Variants in HLCS observed in about 807,000 individuals in gnomAD.
HLCS encodes biotin--protein ligase.
Under a neutral mutation model 75.0 loss-of-function variants are expected in HLCS, and 53 were observed. The ratio of observed to expected loss-of-function variants is 0.71; its 90% CI spans 0.57 to 0.89. HLCS has a LOEUF of 0.89. Among genes scored for constraint, HLCS ranks in the 40% least tolerant of loss-of-function variants. The pLI is 0.00. For synonymous variants in HLCS, 431 were observed against 428.6 expected (o/e 1.01, Z -0.07); for missense variants, 966 against 1,074.0 (o/e 0.90, Z 1.41).
chr21:36,895,884 T>A (rs997654206), intron 6 of HLCS, among the ~76,000 whole-genome samples: 10 of 152,322 alleles, frequency 6.6e-5, no homozygotes, highest in Admixed American at 5.2e-4. Flanking sequence ...TATAACCAAA[T>A]TTTTTAAACT....
intron 6 of HLCS, among the ~76,000 whole-genome samples, chr21:36,811,452 G>A (rs895608450): frequency 3.3e-5 from 5 of 152,214 alleles, no homozygotes; most frequent in African/African-American, 9.6e-5. Context: ...GCCTCCAGGA[G>A]GCTACTCTGT....
chr21:36,962,624 C>CA lies in HLCS; in HGVS notation c.196-455dup, dbSNP rs1388877335. On this transcript the variant is annotated intron_variant, in intron 1 of 10. Coordinates refer to ENST00000674895, the MANE Select transcript of HLCS (RefSeq NM_001352514.2). ...CCAACATGGTGAAACCTTATCTCTACAAAAAACATACCAAAAAAATGAGTT... is the reference window on the plus strand; with the variant it reads ...CCAACATGGTGAAACCTTATCTCTACAAAAAAACATACCAAAAAAATGAGTT... Among the ~76,000 whole-genome samples the CA allele has an allele frequency of 5.3e-5, 8 of 151,756 alleles. No homozygotes were observed. In the South Asian group the frequency reaches 1.0e-3, roughly 20 times the overall value.
chr21:36,775,060 C>T (rs932579128), intron 6 of HLCS, among the ~76,000 whole-genome samples: 2 of 152,226 alleles, frequency 1.3e-5, no homozygotes, highest in African/African-American at 4.8e-5. Context: ...GGAATCGGGA[C>T]TGTTCAAAGA....
intron 6 of HLCS, among the ~76,000 whole-genome samples, chr21:36,875,642 C>G (rs1014821145): frequency 6.6e-6 from 1 of 152,240 alleles, no homozygotes; most frequent in Admixed American, 6.5e-5. Flanking sequence ...GAGCTACCCA[C>G]TTCAAGTCTC....
At chr21:36,939,034 G>A (rs2067022192) in intron 2 of HLCS, 40 bp from the exon 3 acceptor site, 2 of 1,556,626 alleles carry the variant, frequency 1.3e-6, no homozygotes, top group Non-Finnish European at 1.7e-6. Flanking sequence ...GGAAAAGACA[G>A]GTTGAGATTT....
intron 5 of HLCS, among the ~76,000 whole-genome samples, chr21:36,916,446 G>A (rs1005935277): frequency 4.0e-5 from 6 of 151,812 alleles, no homozygotes; most frequent in African/African-American, 1.2e-4. Flanking sequence ...TCAACTCCCG[G>A]GCTCAAGAGA....
chr21:36,759,753 A>G lies in HLCS; in HGVS notation c.2210T>C (p.Met737Thr), dbSNP rs753316170. 3.7e-6 allele frequency: 6 copies of G among 1,607,540 alleles called. No homozygotes were observed. In the African/African-American group the frequency reaches 5.3e-5, roughly 14 times the overall value. Residue 737 changes from methionine to threonine, a missense_variant, in exon 9 of 11, where the codon ATG (methionine) becomes ACG (threonine). Met to Thr is a moderately conservative substitution (Grantham distance 81, BLOSUM62 -1). Transcript: ENST00000674895. ...AATAAGTATATAAAATGTTTCTCCC[A>G]TGAGTGTTGAGTTAACCAGAACTCC... ...IGGVLVNSTL[M>T]GETFYILIGC... is the part of the protein sequence containing the mutation.
chr21:36,844,081 C>T (rs1023310232), intron 6 of HLCS, among the ~76,000 whole-genome samples: 6 of 152,170 alleles, frequency 3.9e-5, no homozygotes, highest in African/African-American at 1.2e-4. Context: ...TCAAAGTAAA[C>T]ACATGCTCAT....
Position 36,979,272 on chromosome 21 carries a change from CA to C in HLCS, c.-393+10885del, listed in dbSNP as rs35662012. Among the ~76,000 whole-genome samples the C allele has an allele frequency of 7.4e-3, 812 of 109,254 alleles. 8 individuals carry two copies. Among genetic ancestry groups the C allele is most frequent in the African/African-American group, 0.017 (486 of 28,622 alleles). The allele number at this position is 109,254 out of a possible 152,430, so 71.7% of individuals were successfully genotyped here. ...TGGGTGACAGAGCAAGACTCAGTCT[CA>C]AAAAAAAAAAAAAAAGAAAGAAAGA... On this transcript the variant is annotated intron_variant, in intron 1 of 11. Transcript: ENST00000336648.
chr21:36,765,424 CAG>C (rs1407259576), intron 7 of HLCS, among the ~76,000 whole-genome samples: 1 of 152,214 alleles, frequency 6.6e-6, no homozygotes, highest in Non-Finnish European at 1.5e-5. Context: ...CTTGATGACT[CAG>C]AGTCTTACAG....
chr21:36,969,253 T>C (rs2068719709), upstream of HLCS, among the ~76,000 whole-genome samples: 1 of 152,170 alleles, frequency 6.6e-6, no homozygotes. Flanking sequence ...AACAAAGGAA[T>C]AGGGGAAGGA....
At chr21:36,831,887 C>T (rs894529408) in intron 6 of HLCS, among the ~76,000 whole-genome samples, 2 of 152,034 alleles carry the variant, frequency 1.3e-5, no homozygotes, top group Non-Finnish European at 1.5e-5. Context: ...TGAGCAATTT[C>T]GCTAGAAATG....
At chr21:36,958,240 CAAAA>C (rs146841900) in intron 2 of HLCS, among the ~76,000 whole-genome samples, 149 of 133,330 alleles carry the variant, frequency 1.1e-3, no homozygotes, top group East Asian at 2.7e-3. Flanking sequence ...GAGACTGTCT[CAAAA>C]AAAAAAAAAA....
chr21:36,762,136 G>T (rs2145755148), intron 8 of HLCS, among the ~76,000 whole-genome samples: 1 of 152,212 alleles, frequency 6.6e-6, no homozygotes, highest in East Asian at 1.9e-4. Flanking sequence ...AACAAATCCT[G>T]CTTTTGAAGA....
chr21:36,958,857 T>C (rs139709676), intron 2 of HLCS, among the ~76,000 whole-genome samples: 15 of 152,364 alleles, frequency 9.8e-5, no homozygotes, highest in Admixed American at 5.2e-4. Flanking sequence ...AGGAATGTCA[T>C]TTAATCTTAT....
intron 4 of HLCS, among the ~76,000 whole-genome samples, chr21:36,934,080 C>T (rs1190331948): frequency 1.3e-5 from 2 of 152,172 alleles, no homozygotes; most frequent in African/African-American, 2.4e-5. Context: ...AGAAATGGCA[C>T]ACCGGAGTGT....
At chr21:36,796,528 G>T (rs1394432737) in intron 6 of HLCS, among the ~76,000 whole-genome samples, 1 of 152,094 alleles carries the variant, frequency 6.6e-6, no homozygotes, top group Non-Finnish European at 1.5e-5. Flanking sequence ...TGTATAAGCA[G>T]GGCCCACGAG....
chr21:36,920,678 AT>A (rs1033844557), intron 5 of HLCS, among the ~76,000 whole-genome samples: 7 of 151,834 alleles, frequency 4.6e-5, no homozygotes, highest in African/African-American at 1.7e-4. Flanking sequence ...ATTAAAAAAA[AT>A]TTTTAAAGCC....
At chr21:36,806,480 C>A (rs575854250) in intron 6 of HLCS, among the ~76,000 whole-genome samples, 193 of 151,810 alleles carry the variant, frequency 1.3e-3, no homozygotes, top group African/African-American at 4.4e-3. Flanking sequence ...GAAAAAAAAA[C>A]CAAGTGAAAT....
Sources: gnomAD v4.1 joint callset for allele counts (sites outside exome capture counted in the v4.1 genomes callset) on GRCh38, gnomAD v4.1.1 for gene constraint, MANE v1.5 for transcripts, NCBI Gene and HGNC (gene_info 2026-07-23, HGNC 2026-07-21) for gene names.